Variants in PTPRT observed in about 807,000 individuals in gnomAD.
The protein encoded by PTPRT is protein tyrosine phosphatase receptor type T, also known as receptor-type tyrosine-protein phosphatase T.
PTPRT carries 56 observed loss-of-function variants against 176.8 expected under a neutral mutation model. That is an observed-to-expected ratio of 0.32 (90% CI 0.26 to 0.40). PTPRT has a LOEUF of 0.40. Ranked by LOEUF, PTPRT falls within the 10% of genes least tolerant of loss-of-function variation. The pLI is 1.00. For missense variants in PTPRT, 1,540 were observed against 1,908.2 expected (o/e 0.81, Z 3.60); for synonymous variants, 783 against 739.0 (o/e 1.06, Z -0.96).
intron 24 of PTPRT, among the ~76,000 whole-genome samples, chr20:42,105,923 C>T (rs539540607): frequency 5.3e-5 from 8 of 152,308 alleles, no homozygotes; most frequent in African/African-American, 1.7e-4. Flanking sequence ...TTCACTAGAA[C>T]AGAAGATGGG....
chr20:42,288,111 T>C (rs374936605), intron 12 of PTPRT, among the ~76,000 whole-genome samples: 2 of 152,034 alleles, frequency 1.3e-5, no homozygotes, highest in South Asian at 2.1e-4. Flanking sequence ...AAGTGCAATA[T>C]ACATGCAGAT....
intron 11 of PTPRT, among the ~76,000 whole-genome samples, chr20:42,342,892 T>C (rs2058132769): frequency 6.6e-6 from 1 of 152,232 alleles, no homozygotes; most frequent in Non-Finnish European, 1.5e-5. Flanking sequence ...AGCTAATCAC[T>C]GTGCAGTTCA....
At chr20:42,912,801 G>A (rs1439995694) in intron 1 of PTPRT, among the ~76,000 whole-genome samples, 1 of 152,176 alleles carries the variant, frequency 6.6e-6, no homozygotes, top group Non-Finnish European at 1.5e-5. Flanking sequence ...ACTCCCGGAT[G>A]TCCTATATGA....
intron 1 of PTPRT, among the ~76,000 whole-genome samples, chr20:42,995,141 T>G (rs2146116282): frequency 1.3e-5 from 2 of 152,350 alleles, no homozygotes; most frequent in Middle Eastern, 3.4e-3. Flanking sequence ...GGTTATCTAC[T>G]ACTGTGTAAC....
intron 1 of PTPRT, among the ~76,000 whole-genome samples, chr20:43,144,581 T>G (rs1349396640): frequency 2.6e-5 from 4 of 152,160 alleles, no homozygotes; most frequent in Non-Finnish European, 5.9e-5. Flanking sequence ...TCAAAAGTGA[T>G]GTATGAGTCA....
At chr20:42,063,930 T>G in the PTPRT span, 1 of 152,102 alleles carries the variant, frequency 6.6e-6, no homozygotes, top group Non-Finnish European at 1.5e-5. Flanking sequence ...ACTTCAGTTC[T>G]TAAACATTGA....
intron 17 of PTPRT, among the ~76,000 whole-genome samples, chr20:42,148,329 G>A (rs1419198388): frequency 4.7e-5 from 7 of 148,572 alleles, no homozygotes; most frequent in South Asian, 4.3e-4. Context: ...GGAGAGCTGC[G>A]CCGTGGTATT....
chr20:42,652,250 G>A (rs2075046477), intron 7 of PTPRT, among the ~76,000 whole-genome samples: 3 of 152,068 alleles, frequency 2.0e-5, no homozygotes, highest in Non-Finnish European at 2.9e-5. Context: ...TTCCTTTAAG[G>A]GGAATTATCT....
chr20:42,325,036 A>G (rs1319275463), intron 11 of PTPRT, among the ~76,000 whole-genome samples: 1 of 152,208 alleles, frequency 6.6e-6, no homozygotes, highest in Non-Finnish European at 1.5e-5. Flanking sequence ...TAAACATAGC[A>G]GGTTCAAATT....
intron 9 of PTPRT, among the ~76,000 whole-genome samples, chr20:42,403,049 G>C (rs2058925193): frequency 6.6e-6 from 1 of 151,940 alleles, no homozygotes; most frequent in Non-Finnish European, 1.5e-5. Flanking sequence ...ATACATAAAA[G>C]AAAACAAAAA....
intron 1 of PTPRT, among the ~76,000 whole-genome samples, chr20:43,034,432 T>G (rs997308796): frequency 5.9e-5 from 9 of 151,884 alleles, no homozygotes; most frequent in Non-Finnish European, 1.0e-4. Context: ...ATGCCTGGTG[T>G]GGCTACTGCA....
At chr20:43,063,758 A>G (rs1987565879) in intron 1 of PTPRT, 1 of 152,252 alleles carries the variant, frequency 6.6e-6, no homozygotes, top group Non-Finnish European at 1.5e-5. Context: ...GGAAACAGTC[A>G]TTGCCTAGAC....
At chr20:42,061,239 C>G in the PTPRT span, among the ~76,000 whole-genome samples, 32 of 152,058 alleles carry the variant, frequency 2.1e-4, no homozygotes, top group Admixed American at 2.0e-4. Flanking sequence ...TGTCCTTCAT[C>G]TTGTGAAGCA....
intron 9 of PTPRT, among the ~76,000 whole-genome samples, chr20:42,391,980 G>C (rs1272630436): frequency 6.6e-6 from 1 of 152,108 alleles, no homozygotes. Context: ...TCCCTGCCAT[G>C]ATGGGCAATG....
At chr20:42,766,388 ATCAT>A (rs1322088214) in intron 5 of PTPRT, among the ~76,000 whole-genome samples, 2 of 152,212 alleles carry the variant, frequency 1.3e-5, no homozygotes, top group Non-Finnish European at 2.9e-5. Flanking sequence ...CTAGCCTTCT[ATCAT>A]CCTTTTCCCT....
intron 2 of PTPRT, among the ~76,000 whole-genome samples, chr20:42,816,316 G>A (rs1048974121): frequency 3.3e-5 from 5 of 152,198 alleles, no homozygotes; most frequent in African/African-American, 1.2e-4. Context: ...GAGAAGATAT[G>A]CTCGAGTCCA....
At chr20:42,160,852 C>A (rs1417669061) in intron 17 of PTPRT, among the ~76,000 whole-genome samples, 2 of 152,082 alleles carry the variant, frequency 1.3e-5, no homozygotes, top group Non-Finnish European at 2.9e-5. Context: ...TGAAGCATTG[C>A]CTTCGGGGGA....
chr20:42,218,381 C>T (rs541770411), intron 15 of PTPRT, among the ~76,000 whole-genome samples: 9 of 152,208 alleles, frequency 5.9e-5, no homozygotes, highest in Non-Finnish European at 1.2e-4. Flanking sequence ...TCTTTGATAT[C>T]CATTATTGTT....
At chr20:42,360,507 G>A (rs1484297011) in intron 9 of PTPRT, among the ~76,000 whole-genome samples, 4 of 152,170 alleles carry the variant, frequency 2.6e-5, no homozygotes, top group Non-Finnish European at 5.9e-5. Context: ...TCAGCTTTTA[G>A]TCTCATGCTG....
Sources: allele counts gnomAD v4.1 joint callset (sites outside exome capture counted in the v4.1 genomes callset), GRCh38; gene constraint gnomAD v4.1.1; transcripts MANE v1.5; gene names NCBI Gene and HGNC (gene_info 2026-07-23, HGNC 2026-07-21).